The following ZSCAN32 variants were observed in gnomAD, a reference collection of about 807,000 sequenced individuals.
ZSCAN32 encodes zinc finger and SCAN domain containing 32, also known as zinc finger and SCAN domain-containing protein 32.
Under a neutral mutation model 47.4 loss-of-function variants are expected in ZSCAN32, and 52 were observed. The observed-to-expected ratio is 1.10, with a 90% confidence interval of 0.88 to 1.38. The LOEUF (loss-of-function observed/expected upper bound fraction) is 1.38. Ranked by LOEUF, ZSCAN32 falls within the 40% of genes most tolerant of loss-of-function variation. ZSCAN32 has a pLI of 0.00. For synonymous variants in ZSCAN32, 346 were observed against 305.7 expected, an observed-to-expected ratio of 1.13 and a Z score of -1.38; for missense variants, 959 against 846.0, an observed-to-expected ratio of 1.13 and a Z score of -1.66.
rs2150899669 is a variant in ZSCAN32 at position 3,393,778 on chromosome 16, T to C, written c.403A>G (p.Lys135Glu). 6.5e-7 allele frequency: 1 copy of C among 1,550,074 alleles called. No individual in the cohort carries two copies. Among genetic ancestry groups the C allele is most frequent in the South Asian group, 1.2e-5 (1 of 84,034 alleles). ...DSEKDLKVLM[K>E]EMAPLGATRE... ...GTTGCTCCCAAAGGGGCCATCTCCTTCATGAGTACTTTCAAGTCCTTCTCA... is the reference window on the plus strand; with the variant it reads ...GTTGCTCCCAAAGGGGCCATCTCCTCCATGAGTACTTTCAAGTCCTTCTCA... Residue 135 changes from lysine (K) to glutamate (E), a missense_variant, in exon 3 of 7, where the codon AAG (lysine) becomes GAG (glutamate). By Grantham distance (56) the Lys-to-Glu change is moderately conservative. Coordinates refer to ENST00000396852, the MANE Select transcript of ZSCAN32 (RefSeq NM_001284527.2).
chr16:3,390,153 G>C lies in ZSCAN32; in HGVS notation c.628-20C>G, dbSNP rs2032507293. On this transcript the variant is annotated intron_variant, in intron 4 of 6. Transcript: ENST00000396852. ...TGGTCCCTGTAACAACACTGGAGCT[G>C]CTGCTACCGATAAAATAGCACCACT... 2 of 1,588,284 alleles carry C rather than the reference G, an allele frequency of 1.3e-6. No individual in the cohort carries two copies. The highest frequency in any genetic ancestry group is 1.7e-6 in the Non-Finnish European group (2 of 1,166,886).
At chr16:3,389,290 C>T (rs187460539) in intron 5 of ZSCAN32, among the ~76,000 whole-genome samples, 1 of 152,094 alleles carries the variant, frequency 6.6e-6, no homozygotes, top group Non-Finnish European at 1.5e-5. Flanking sequence ...TAGAGTGAGG[C>T]GGGGCACTGT....
At position 3,383,785 on chromosome 16, in the gene ZSCAN32, A is replaced by G. The variant is rs139888354; in HGVS notation, c.1235-74T>C. 511 of 1,417,558 alleles carry G rather than the reference A, an allele frequency of 3.6e-4. 2 individuals carry two copies. In the African/African-American group the frequency reaches 5.9e-3, roughly 16 times the overall value. The allele number at this position is 1,417,558 out of a possible 1,614,324, so 87.8% of individuals were successfully genotyped here. A position where few individuals can be genotyped will look rare whatever the true frequency, so the allele number is the denominator to read the frequency against. On this transcript the variant is annotated intron_variant, in intron 6 of 6. Coordinates refer to ENST00000396852, the MANE Select transcript of ZSCAN32 (RefSeq NM_001284527.2). ...AACAATGGAATGCAAAGTTATAACTATACTACGTAGAAGAAATATCTAATT... is the reference window on the plus strand; with the variant it reads ...AACAATGGAATGCAAAGTTATAACTGTACTACGTAGAAGAAATATCTAATT...
At chr16:3,387,184 G>C (rs1236076663) in intron 5 of ZSCAN32, among the ~76,000 whole-genome samples, 1 of 152,172 alleles carries the variant, frequency 6.6e-6, no homozygotes, top group Non-Finnish European at 1.5e-5. Context: ...CTGGCAATAA[G>C]GGTAGTGGCT....
chr16:3,394,937 A>G (rs1477296225), intron 2 of ZSCAN32, among the ~76,000 whole-genome samples: 3 of 152,016 alleles, frequency 2.0e-5, no homozygotes, highest in African/African-American at 7.3e-5. Flanking sequence ...CTCACAGCCT[A>G]TCTCCCAACA....
At chr16:3,390,877 G>C (rs1596464313) in intron 3 of ZSCAN32, among the ~76,000 whole-genome samples, 1 of 152,080 alleles carries the variant, frequency 6.6e-6, no homozygotes, top group East Asian at 1.9e-4. Context: ...GGGAAAAAAA[G>C]AGAATCGTAG....
In ZSCAN32 at chr16:3,384,520, G is replaced by T; in HGVS notation, c.1173C>A (p.Phe391Leu). ...VDGADRDEKD[F>L]RNPGQEVRKL... is the part of the protein sequence containing the mutation. ...TCCTGACTTCCTGGCCAGGATTCCTGAAGTCCTTTTCATCCCTGTCTGCAC... is the reference window on the plus strand; with the variant it reads ...TCCTGACTTCCTGGCCAGGATTCCTTAAGTCCTTTTCATCCCTGTCTGCAC... The change falls in exon 6 of 7, where the codon TTC becomes TTA. Residue 391 changes from phenylalanine (F) to leucine (L), a missense_variant. By Grantham distance (22) the Phe-to-Leu change is conservative. Transcript: ENST00000396852. 6.2e-7 allele frequency: 1 copy of T among 1,614,140 alleles called. No homozygotes were observed. The highest frequency in any genetic ancestry group is 1.1e-5 in the South Asian group (1 of 91,084).
rs1306969739 is a variant in ZSCAN32, at chr16:3,383,505, TCTC to T, written c.1438_1440del (p.Glu480del). On this transcript the variant is annotated inframe_deletion, in exon 7 of 7. Transcript: ENST00000396852. ...GCACAAAAACTCTGGTGACTCATCTTCTCCTGGGATGGGGTTTTCTCCTCACTC... is the reference window on the plus strand; with the variant it reads ...GCACAAAAACTCTGGTGACTCATCTTCTGGGATGGGGTTTTCTCCTCACTC... The T allele has an allele frequency of 6.2e-7, 1 of 1,614,068 alleles. No individual in the cohort carries two copies. Among genetic ancestry groups the T allele is most frequent in the Non-Finnish European group, 8.5e-7 (1 of 1,180,004 alleles).
chr16:3,399,789 A>G (rs1474757043), intron 1 of ZSCAN32, among the ~76,000 whole-genome samples: 1 of 152,114 alleles, frequency 6.6e-6, no homozygotes, highest in African/African-American at 2.4e-5. Flanking sequence ...TATTTTTTGT[A>G]GAGGTGGAGT....
At chr16:3,387,517 A>T (rs1410907514) in intron 5 of ZSCAN32, among the ~76,000 whole-genome samples, 1 of 152,244 alleles carries the variant, frequency 6.6e-6, no homozygotes, top group Non-Finnish European at 1.5e-5. Flanking sequence ...CCTGCTGCCC[A>T]TCTGGGCCAG....
chr16:3,389,269 G>A (rs1391889368), intron 5 of ZSCAN32, among the ~76,000 whole-genome samples: 1 of 152,150 alleles, frequency 6.6e-6, no homozygotes, highest in African/African-American at 2.4e-5. Flanking sequence ...CCACTGGGGA[G>A]GGCAACATTG....
Position 3,383,603 on chromosome 16 carries a change from T to A in ZSCAN32, c.1343A>T (p.His448Leu), listed in dbSNP as rs1257741733. ...LQRKSRGVYW[H>L]SELQKGLESE... ...CTCCAAGCCTTTTTGTAGCTCAGAG[T>A]GCCAATAAACTCCTCTGGACTTTCT... The change falls in exon 7 of 7, where the codon CAC (histidine) becomes CTC (leucine). Residue 448 changes from histidine (H) to leucine (L), a missense_variant. Coordinates refer to ENST00000396852, the MANE Select transcript of ZSCAN32 (RefSeq NM_001284527.2). 6.2e-7 allele frequency: 1 copy of A among 1,613,912 alleles called. No homozygotes were observed. The highest frequency in any genetic ancestry group is 2.2e-5 in the East Asian group (1 of 44,880).
At chr16:3,388,394 C>A (rs1407227689) in intron 5 of ZSCAN32, among the ~76,000 whole-genome samples, 1 of 152,218 alleles carries the variant, frequency 6.6e-6, no homozygotes, top group African/African-American at 2.4e-5. Flanking sequence ...AGGACCCAAA[C>A]TGAAAACTGC....
chr16:3,390,539 A>AT, intron 3 of ZSCAN32, 22 bp from the exon 4 acceptor site: 1 of 1,536,838 alleles, frequency 6.5e-7, no homozygotes, highest in South Asian at 1.2e-5. Flanking sequence ...AACAGCCGCT[A>AT]TTAGAGGGCG....
At chr16:3,385,541 C>G (rs958652035) in intron 5 of ZSCAN32, among the ~76,000 whole-genome samples, 3 of 152,152 alleles carry the variant, frequency 2.0e-5, no homozygotes, top group Admixed American at 6.5e-5. Context: ...TGACTTCAAA[C>G]TATACTACAA....
At chr16:3,385,065 C>T (rs897612966) in intron 5 of ZSCAN32, 124 bp from the exon 6 acceptor site, 9 of 1,184,782 alleles carry the variant, frequency 7.6e-6, no homozygotes, top group Non-Finnish European at 1.1e-5. Context: ...TGGCTCACAC[C>T]TGTAATCCCA....
intron 4 of ZSCAN32, 82 bp from the exon 5 acceptor site, chr16:3,390,215 G>T: frequency 1.3e-6 from 2 of 1,494,398 alleles, no homozygotes; most frequent in Non-Finnish European, 1.8e-6. Context: ...GATCACAGTT[G>T]TCAGATCAGG....
In ZSCAN32 at chr16:3,383,228, CCT is replaced by C. The variant is rs746042756; in HGVS notation, c.1716_1717del (p.Arg575AlafsTer70). 13 of 1,614,012 alleles carry C rather than the reference CCT, an allele frequency of 8.1e-6. No homozygotes were observed. The South Asian group carries it at 1.1e-4, about 14-fold the overall frequency. On this transcript the variant is annotated frameshift_variant, in exon 7 of 7. Coordinates refer to ENST00000396852, the MANE Select transcript of ZSCAN32 (RefSeq NM_001284527.2). LOFTEE classifies it low-confidence loss of function (END_TRUNC). ...TTGCCCACACTGATAGGGCCTCTCC[CCT>C]GTGTGAGTTCGTAGGTGGGCAGTGA...
chr16:3,399,929 G>C (rs955438412), intron 1 of ZSCAN32, among the ~76,000 whole-genome samples: 1 of 152,120 alleles, frequency 6.6e-6, no homozygotes, highest in African/African-American at 2.4e-5. Context: ...TAATGAGTTT[G>C]TGTTGGTTTT....
Sources: gnomAD v4.1 joint callset for allele counts (sites outside exome capture counted in the v4.1 genomes callset) on GRCh38, gnomAD v4.1.1 for gene constraint, MANE v1.5 for transcripts, NCBI Gene and HGNC (gene_info 2026-07-23, HGNC 2026-07-21) for gene names.